EPSTI1: variants seen among roughly 807,000 people sequenced by gnomAD.
The protein encoded by EPSTI1 is epithelial stromal interaction 1.
EPSTI1 carries 66 observed loss-of-function variants against 49.9 expected under a neutral mutation model. The observed-to-expected ratio is 1.32, with a 90% confidence interval of 1.08 to 1.62. The LOEUF is 1.62. EPSTI1 is among the 40% of genes most tolerant of loss of function. The pLI is 0.00. For synonymous variants in EPSTI1, 137 were observed against 130.7 expected, an observed-to-expected ratio of 1.05 and a Z score of -0.33; for missense variants, 394 against 365.5, an observed-to-expected ratio of 1.08 and a Z score of -0.64.
chr13:42,923,606 A>T (rs2038085950), intron 7 of EPSTI1, among the ~76,000 whole-genome samples: 1 of 152,244 alleles, frequency 6.6e-6, no homozygotes. Flanking sequence ...ACCAGAGACT[A>T]GAAACCATTT....
intron 7 of EPSTI1, among the ~76,000 whole-genome samples, chr13:42,921,755 A>G (rs974972129): frequency 1.3e-5 from 2 of 152,102 alleles, no homozygotes; most frequent in Admixed American, 1.3e-4. Context: ...TGTGCAGAGG[A>G]GGCTGAGAAC....
chr13:42,990,711 TA>T (rs1209346181), intron 1 of EPSTI1, among the ~76,000 whole-genome samples: 1 of 152,172 alleles, frequency 6.6e-6, no homozygotes, highest in Non-Finnish European at 1.5e-5. Context: ...ATAATAATAT[TA>T]AAGGCCTGGT....
intron 7 of EPSTI1, among the ~76,000 whole-genome samples, chr13:42,920,801 T>C (rs894479422): frequency 1.3e-5 from 2 of 152,200 alleles, no homozygotes; most frequent in Non-Finnish European, 2.9e-5. Context: ...AGTCCCTCTC[T>C]TTGAAGTTTT....
chr13:42,974,820 C>A (rs931567368), intron 1 of EPSTI1, among the ~76,000 whole-genome samples: 7 of 152,130 alleles, frequency 4.6e-5, no homozygotes, highest in African/African-American at 1.7e-4. Context: ...AAAAGTATTA[C>A]ATAACAATAT....
intron 10 of EPSTI1, among the ~76,000 whole-genome samples, chr13:42,890,404 T>TCTCCCGC (rs2153407488): frequency 6.6e-6 from 1 of 151,452 alleles, no homozygotes; most frequent in South Asian, 2.1e-4. Context: ...TTCACGCCAT[T>TCTCCCGC]CTCCCGCCTC....
At chr13:42,972,125 A>G (rs922479517) in intron 1 of EPSTI1, among the ~76,000 whole-genome samples, 4 of 152,216 alleles carry the variant, frequency 2.6e-5, no homozygotes, top group Non-Finnish European at 5.9e-5. Context: ...AAGCTGAAAC[A>G]TCAGATACGA....
intron 1 of EPSTI1, among the ~76,000 whole-genome samples, chr13:42,971,781 C>G (rs889140813): frequency 6.6e-6 from 1 of 152,210 alleles, no homozygotes; most frequent in Admixed American, 6.5e-5. Context: ...TAGCCTTCAG[C>G]CAGCTTCAAA....
chr13:42,970,725 T>A, intron 1 of EPSTI1, 55 bp from the exon 2 acceptor site: 1 of 1,370,956 alleles, frequency 7.3e-7, no homozygotes, highest in Non-Finnish European at 1.0e-6. Context: ...CCAATGCATA[T>A]AAGCCACCAG....
At chr13:42,898,739 A>C (rs1185278883) in intron 9 of EPSTI1, among the ~76,000 whole-genome samples, 2 of 152,250 alleles carry the variant, frequency 1.3e-5, no homozygotes, top group Non-Finnish European at 2.9e-5. Flanking sequence ...CATCAAAGAT[A>C]AATATTTCAG....
rs566725986 is a variant in EPSTI1 at position 42,922,842 on chromosome 13, C to G, written c.657+3494G>C. The stretch of plus-strand genomic sequence containing the variant: ...GAGAGGCATGAGCTATAGAGCTTGG[C>G]CCCTCAGACATTAACGTGCACACAC... On this transcript the variant is annotated intron_variant, in intron 7 of 10. Transcript: ENST00000313624. This position sits in a 1 kb window ranked among gnomAD's most constrained non-coding sequence, Gnocchi z 4.8. Among the ~76,000 whole-genome samples, 4 of 152,292 alleles carry G rather than the reference C, an allele frequency of 2.6e-5. No individual in the cohort carries two copies. Among genetic ancestry groups the G allele is most frequent in the African/African-American group, 9.6e-5 (4 of 41,580 alleles).
intron 9 of EPSTI1, among the ~76,000 whole-genome samples, chr13:42,899,116 T>TGAACCCGGTC (rs1406931549): frequency 6.6e-6 from 1 of 151,432 alleles, no homozygotes; most frequent in Admixed American, 6.6e-5. Context: ...GAGAGTCACT[T>TGAACCCGGTC]GAACCCGGGA....
chr13:42,988,692 T>C (rs1480389733), intron 1 of EPSTI1, among the ~76,000 whole-genome samples: 2 of 151,128 alleles, frequency 1.3e-5, no homozygotes, highest in Admixed American at 6.6e-5. Flanking sequence ...GATTGCGCTG[T>C]TGCACTCCAG....
chr13:42,895,237 C>T, intron 9 of EPSTI1, 129 bp from the exon 10 acceptor site: 3 of 660,272 alleles, frequency 4.5e-6, no homozygotes, highest in Non-Finnish European at 7.5e-6. Flanking sequence ...AAGAAATCCA[C>T]AGAAACTTCT....
rs1566088966 is a variant in EPSTI1 at position 42,888,440 on chromosome 13, T to G, written c.*54A>C. The G allele has an allele frequency of 1.2e-6, 2 of 1,613,930 alleles. No individual in the cohort carries two copies. The highest frequency in any genetic ancestry group is 1.7e-6 in the Non-Finnish European group (2 of 1,179,874). On this transcript the variant is annotated 3_prime_UTR_variant, in exon 11 of 11. Coordinates refer to ENST00000313624, the MANE Select transcript of EPSTI1 (RefSeq NM_033255.5). ...CAAAATCACATTAAGAAAAAGCATC[T>G]CATGAGGCTTTTCGAGGTCAGTTGA...
chr13:42,891,842 G>A (rs1166022268), intron 10 of EPSTI1, among the ~76,000 whole-genome samples: 1 of 152,176 alleles, frequency 6.6e-6, no homozygotes, highest in East Asian at 1.9e-4. Flanking sequence ...TCACCACAGG[G>A]AGAGGCGAAG....
intron 6 of EPSTI1, among the ~76,000 whole-genome samples, chr13:42,946,228 C>A (rs2038913611): frequency 6.6e-6 from 1 of 152,176 alleles, no homozygotes; most frequent in Admixed American, 6.5e-5. Context: ...GAACTAATCA[C>A]ACTATTATTC....
chr13:42,979,832 C>A (rs1303976626), intron 1 of EPSTI1, among the ~76,000 whole-genome samples: 1 of 152,062 alleles, frequency 6.6e-6, no homozygotes, highest in Admixed American at 6.6e-5. Context: ...ATACCATTAT[C>A]ACACCAAGAA....
At chr13:42,963,530 C>G in intron 4 of EPSTI1, 192 bp from the exon 5 acceptor site, 1 of 582,480 alleles carries the variant, frequency 1.7e-6, no homozygotes, top group Non-Finnish European at 3.0e-6. Flanking sequence ...CGTGAAATTT[C>G]TGTCTTTGTG....
chr13:42,972,990 A>G (rs2039802199), intron 1 of EPSTI1, among the ~76,000 whole-genome samples: 1 of 152,246 alleles, frequency 6.6e-6, no homozygotes, highest in African/African-American at 2.4e-5. Context: ...ACTGAATAGC[A>G]CGAAATAAGA....
Sources: gnomAD v4.1 joint callset for allele counts (sites outside exome capture counted in the v4.1 genomes callset) on GRCh38, gnomAD v4.1.1 for gene constraint, Gnocchi (gnomAD v3.1) non-coding constraint, MANE v1.5 for transcripts, NCBI Gene and HGNC (gene_info 2026-07-23, HGNC 2026-07-21) for gene names.